The following APTX variants were observed in gnomAD, a reference collection of about 807,000 sequenced individuals.
APTX encodes aprataxin.
In APTX, 33 loss-of-function variants were observed where a neutral mutation model predicts 42.3. The ratio of observed to expected loss-of-function variants is 0.78; its 90% CI spans 0.59 to 1.04. The LOEUF is 1.04. APTX is among the 50% of genes least tolerant of loss of function. APTX has a pLI of 0.00. For missense variants in APTX, 421 were observed against 415.1 expected, an observed-to-expected ratio of 1.01 and a Z score of -0.12; for synonymous variants, 130 against 146.7, an observed-to-expected ratio of 0.89 and a Z score of 0.82.
At chr9:32,977,113 A>T (rs1200250404) in intron 6 of APTX, among the ~76,000 whole-genome samples, 1 of 152,250 alleles carries the variant, frequency 6.6e-6, no homozygotes, top group Non-Finnish European at 1.5e-5. Context: ...CCGTTAAAAA[A>T]TAAAAAAGTC....
At chr9:32,982,743 T>C (rs1015168711) in intron 6 of APTX, among the ~76,000 whole-genome samples, 5 of 152,296 alleles carry the variant, frequency 3.3e-5, no homozygotes, top group African/African-American at 1.2e-4. Flanking sequence ...GGCATCACGA[T>C]CACTACGTGA....
At chr9:33,007,283 T>C (rs965343766) in intron 1 of APTX, among the ~76,000 whole-genome samples, 1 of 152,144 alleles carries the variant, frequency 6.6e-6, no homozygotes, top group Non-Finnish European at 1.5e-5. Context: ...AGGACAATAG[T>C]AAACCATTTA....
intron 2 of APTX, among the ~76,000 whole-genome samples, chr9:32,989,021 G>A (rs774416441): frequency 2.0e-5 from 3 of 152,214 alleles, no homozygotes; most frequent in Non-Finnish European, 4.4e-5. Flanking sequence ...GCTCCCCAGA[G>A]AGGACAGGGT....
intron 1 of APTX, among the ~76,000 whole-genome samples, chr9:32,997,995 T>C (rs1835360607): frequency 6.6e-6 from 1 of 152,150 alleles, no homozygotes; most frequent in African/African-American, 2.4e-5. Flanking sequence ...GGCCATGATA[T>C]TGCAGGTAAA....
intron 6 of APTX, among the ~76,000 whole-genome samples, chr9:32,977,223 T>C (rs940902477): frequency 1.3e-5 from 2 of 152,160 alleles, no homozygotes; most frequent in African/African-American, 4.8e-5. Context: ...ACGTGGCTCA[T>C]ACCTGTAATC....
rs145770275 is a variant in APTX, at chr9:33,017,085, A to G, written c.-5+7938T>C. ...GTTGGGGGTGGAGGGGCTTCAAACC[A>G]AACAATTCTCTAATTCTCTGCAGAT... On this transcript the variant is annotated intron_variant, in intron 1 of 6. Coordinates refer to the APTX transcript ENST00000436040. 4.9e-3 allele frequency among the ~76,000 whole-genome samples: 745 copies of G among 152,332 alleles called. 8 individuals carry two copies. Among genetic ancestry groups the G allele is most frequent in the African/African-American group, 0.017 (721 of 41,570 alleles).
At chr9:33,011,286 ATAT>A (rs1837523085) in intron 1 of APTX, among the ~76,000 whole-genome samples, 1 of 150,054 alleles carries the variant, frequency 6.7e-6, no homozygotes, top group Admixed American at 6.6e-5. Context: ...GTGGAGCACC[ATAT>A]TTTTTTTTTT....
chr9:33,018,074 G>A (rs968940736), intron 1 of APTX, among the ~76,000 whole-genome samples: 1 of 151,356 alleles, frequency 6.6e-6, no homozygotes, highest in African/African-American at 2.4e-5. Flanking sequence ...TAGGACCTCT[G>A]GCCAGGAGTC....
chr9:33,000,335 C>T (rs1293116550), intron 1 of APTX, among the ~76,000 whole-genome samples: 2 of 152,040 alleles, frequency 1.3e-5, no homozygotes, highest in Non-Finnish European at 2.9e-5. Context: ...CATTTGAAAG[C>T]AATAACTGCG....
intron 1 of APTX, among the ~76,000 whole-genome samples, chr9:33,011,536 C>A (rs1409501613): frequency 6.6e-6 from 1 of 151,620 alleles, no homozygotes; most frequent in Non-Finnish European, 1.5e-5. Context: ...CCACCCGCCT[C>A]GGCCTCCCAA....
intron 1 of APTX, among the ~76,000 whole-genome samples, chr9:32,990,511 C>T (rs1833343254): frequency 6.6e-6 from 1 of 152,150 alleles, no homozygotes. Flanking sequence ...CATTAGGCTA[C>T]ATATTGAAAG....
chr9:33,000,615 G>A (rs1357228218), intron 1 of APTX, among the ~76,000 whole-genome samples: 2 of 107,802 alleles, frequency 1.9e-5, no homozygotes, highest in East Asian at 6.1e-4. Flanking sequence ...AACAGAGTGA[G>A]ACTCTGTCTC....
At chr9:32,998,642 T>C (rs1434072515) in intron 1 of APTX, among the ~76,000 whole-genome samples, 4 of 152,094 alleles carry the variant, frequency 2.6e-5, no homozygotes, top group Non-Finnish European at 4.4e-5. Context: ...ACACCACATG[T>C]TCTCACTCAT....
intron 6 of APTX, among the ~76,000 whole-genome samples, chr9:32,982,581 A>G (rs1460398839): frequency 2.6e-5 from 4 of 152,198 alleles, no homozygotes; most frequent in Non-Finnish European, 5.9e-5. Context: ...ATGTTCATTT[A>G]TTCAAAACTA....
intron 2 of APTX, among the ~76,000 whole-genome samples, chr9:32,988,500 A>G: frequency 6.6e-6 from 1 of 151,764 alleles, no homozygotes; most frequent in Non-Finnish European, 1.5e-5. Flanking sequence ...GCAGCATGGC[A>G]ATACCCCGTC....
At chr9:33,007,005 AAAAAAAAAAAAAAAAAAAG>A (rs1289808933) in intron 1 of APTX, among the ~76,000 whole-genome samples, 1 of 145,760 alleles carries the variant, frequency 6.9e-6, no homozygotes, top group Non-Finnish European at 1.5e-5. Flanking sequence ...GTCTCAAAAA[AAAAAAAAAAAAAAAAAAAG>A]AAAGAAAGAA....
At chr9:33,013,290 G>T (rs1837665305) in intron 1 of APTX, among the ~76,000 whole-genome samples, 1 of 152,120 alleles carries the variant, frequency 6.6e-6, no homozygotes, top group South Asian at 2.1e-4. Flanking sequence ...GGAAATTGAG[G>T]CACAGAAAAA....
At chr9:32,997,961 T>C (rs1182382908) in intron 1 of APTX, among the ~76,000 whole-genome samples, 1 of 152,094 alleles carries the variant, frequency 6.6e-6, no homozygotes, top group Non-Finnish European at 1.5e-5. Flanking sequence ...GGAACAGGCC[T>C]AGAAGCAGGG....
intron 1 of APTX, chr9:33,016,035 A>G (rs1224009862): frequency 2.0e-5 from 3 of 152,212 alleles, no homozygotes; most frequent in Non-Finnish European, 4.4e-5. Flanking sequence ...TATCAACTGA[A>G]TTTTTTTAAA....
Sources: gnomAD v4.1 joint callset for allele counts (sites outside exome capture counted in the v4.1 genomes callset) on GRCh38, gnomAD v4.1.1 for gene constraint, MANE v1.5 for transcripts, NCBI Gene and HGNC (gene_info 2026-07-23, HGNC 2026-07-21) for gene names.